The following CHRDL1 variants were observed in gnomAD, a reference collection of about 807,000 sequenced individuals.
CHRDL1 encodes chordin like 1.
CHRDL1 carries 19 observed loss-of-function variants against 40.9 expected under a neutral mutation model. The ratio of observed to expected loss-of-function variants is 0.46; its 90% CI spans 0.32 to 0.68. The LOEUF (loss-of-function observed/expected upper bound fraction) is 0.68, where lower values mean the gene tolerates loss of function less well. Among genes scored for constraint, CHRDL1 ranks in the 30% least tolerant of loss-of-function variants. The pLI, the probability that CHRDL1 is intolerant of heterozygous loss-of-function variation, is 0.03. For missense variants in CHRDL1, 329 were observed against 352.1 expected, an observed-to-expected ratio of 0.93 and a Z score of 0.53; for synonymous variants, 136 against 123.4, an observed-to-expected ratio of 1.10 and a Z score of -0.68.
chrX:110,752,964 T>C (rs1489535597), intron 4 of CHRDL1, among the ~76,000 whole-genome samples: 1 of 111,143 alleles, frequency 9.0e-6, no homozygotes, highest in East Asian at 2.8e-4. Context: ...AGAAATGAAC[T>C]AAAAGAAGAT....
At chrX:110,766,856 C>T (rs756834527) in intron 2 of CHRDL1, among the ~76,000 whole-genome samples, 1 of 111,715 alleles carries the variant, frequency 9.0e-6, no homozygotes, top group African/African-American at 3.2e-5. Context: ...CAGCATCACC[C>T]TAACACCAAA....
intron 2 of CHRDL1, among the ~76,000 whole-genome samples, chrX:110,770,328 G>A (rs946574159): frequency 1.9e-5 from 2 of 106,849 alleles, no homozygotes; most frequent in Non-Finnish European, 3.9e-5. Context: ...TAGTCTGTGG[G>A]TTGAAGAAGA....
chrX:110,721,468 T>A lies in CHRDL1; in HGVS notation c.364A>T (p.Thr122Ser), dbSNP rs1442645080. ...ACGAACAGCTCTCCATGTTGGTAAGTTGTCCCATTGTACTCGCAAGACTTG... is the reference window on the plus strand; with the variant it reads ...ACGAACAGCTCTCCATGTTGGTAAGATGTCCCATTGTACTCGCAAGACTTG... Reference protein sequence around the residue: ...TSKSCEYNGTTYQHGELFVAE... With the variant: ...TSKSCEYNGTSYQHGELFVAE... Residue 122 changes from threonine to serine, a missense_variant, in exon 5 of 12, where the codon ACT becomes TCT. By Grantham distance (58) the Thr-to-Ser change is moderately conservative. Transcript: ENST00000372042. 2.5e-6 allele frequency: 3 copies of A among 1,204,883 alleles called. No homozygotes were observed. In the African/African-American group the frequency reaches 5.3e-5, roughly 21 times the overall value.
At chrX:110,689,895 CTA>C (rs1410078249) in intron 8 of CHRDL1, among the ~76,000 whole-genome samples, 8 of 25,079 alleles carry the variant, frequency 3.2e-4, no homozygotes, top group African/African-American at 1.3e-3. Context: ...ATCTATATAT[CTA>C]TATATATCTA....
chrX:110,694,973 G>GTT (rs2070356935), intron 7 of CHRDL1, among the ~76,000 whole-genome samples: 3 of 111,441 alleles, frequency 2.7e-5, no homozygotes, highest in Non-Finnish European at 5.7e-5. Context: ...CAGGCTAAGG[G>GTT]GTGAAGACTT....
In CHRDL1 at chrX:110,790,546, T is replaced by A. The variant is rs772052224; in HGVS notation, c.94+1542A>T. On this transcript the variant is annotated intron_variant, in intron 2 of 11. Coordinates refer to ENST00000372042, the MANE Select transcript of CHRDL1 (RefSeq NM_001143981.2). ...ATTAACAGGCTATAAGGGAAGTTTC[T>A]CTCTAAGACAGGAAGATTTTTTTGT... Among the ~76,000 whole-genome samples the A allele has an allele frequency of 3.6e-5, 4 of 111,354 alleles. No homozygotes were observed. In the East Asian group the frequency reaches 8.4e-4, roughly 23 times the overall value.
Position 110,776,817 on chromosome X carries a change from T to C in CHRDL1, c.95-14010A>G, listed in dbSNP as rs572619496. Among the ~76,000 whole-genome samples, 19 of 109,888 alleles carry C rather than the reference T, an allele frequency of 1.7e-4. No homozygotes were observed. The South Asian group carries it at 7.0e-3, about 41-fold the overall frequency. Reference sequence around the variant, plus strand: ...TCCCCTGCCAGAGAGGTACAATTGTTTCCACTGATGAATCTACACTGACAC... The same window carrying C: ...TCCCCTGCCAGAGAGGTACAATTGTCTCCACTGATGAATCTACACTGACAC... On this transcript the variant is annotated intron_variant, in intron 2 of 11. Coordinates refer to ENST00000372042, the MANE Select transcript of CHRDL1 (RefSeq NM_001143981.2).
In CHRDL1 at chrX:110,681,551, T is replaced by C. The variant is rs770414179; in HGVS notation, c.1087A>G (p.Thr363Ala). 1 of 1,206,855 alleles carries C rather than the reference T, an allele frequency of 8.3e-7. No individual in the cohort carries two copies. Among genetic ancestry groups the C allele is most frequent in the Non-Finnish European group, 1.1e-6 (1 of 891,056 alleles). Residue 363 changes from threonine to alanine, a missense_variant, in exon 10 of 12, where the codon ACC (threonine) becomes GCC (alanine). Thr to Ala is a moderately conservative substitution (Grantham distance 58). Coordinates refer to ENST00000372042, the MANE Select transcript of CHRDL1 (RefSeq NM_001143981.2). ...ESVFMEDGETTRKIALETERP... is the reference protein window; with the variant it reads ...ESVFMEDGETARKIALETERP... ...TCAGTCTCCAGTGCTATTTTTCTGG[T>C]TGTCTCCCCATCCTCCATGAATACA... is the stretch of plus-strand genomic sequence containing the variant.
At chrX:110,696,271 A>G (rs574493181) in intron 7 of CHRDL1, among the ~76,000 whole-genome samples, 4 of 111,619 alleles carry the variant, frequency 3.6e-5, no homozygotes, top group African/African-American at 9.8e-5. Context: ...TTTAGCACCA[A>G]CGTCTCAGAC....
chrX:110,742,967 G>T (rs1023193835), intron 4 of CHRDL1, among the ~76,000 whole-genome samples: 8 of 112,016 alleles, frequency 7.1e-5, no homozygotes, highest in Non-Finnish European at 5.6e-5. Context: ...CCGCACAGAA[G>T]TATCCAGCGA....
chrX:110,706,636 T>C (rs1188369087), intron 6 of CHRDL1, among the ~76,000 whole-genome samples: 1 of 111,973 alleles, frequency 8.9e-6, no homozygotes, highest in Non-Finnish European at 1.9e-5. Flanking sequence ...GGACTAAGTG[T>C]ACAATGAGAT....
At chrX:110,681,246 G>A (rs1200352607) in intron 10 of CHRDL1, among the ~76,000 whole-genome samples, 1 of 111,892 alleles carries the variant, frequency 8.9e-6, no homozygotes, top group African/African-American at 3.2e-5. Flanking sequence ...CCAGCTTTTG[G>A]TGGTGTGAAA....
chrX:110,774,988 C>T (rs911052520), intron 2 of CHRDL1, among the ~76,000 whole-genome samples: 3 of 111,503 alleles, frequency 2.7e-5, no homozygotes, highest in Admixed American at 9.5e-5. Flanking sequence ...TAATATGGAC[C>T]GAAATTTCAG....
chrX:110,722,055 TG>T (rs959336686), intron 4 of CHRDL1, among the ~76,000 whole-genome samples: 2 of 111,849 alleles, frequency 1.8e-5, no homozygotes, highest in African/African-American at 6.5e-5. Context: ...CTGGAGTGCA[TG>T]GTGCGAGCTC....
rs775371777 is a variant in CHRDL1 at position 110,788,334 on chromosome X, C to T, written c.94+3754G>A. 7.1e-5 allele frequency among the ~76,000 whole-genome samples: 8 copies of T among 111,890 alleles called. No individual in the cohort carries two copies. The South Asian group carries it at 2.6e-3, about 37-fold the overall frequency. ...TGTGATGAGCTTTCCACAAACAAAG[C>T]GTTTTTTCCACACCTCTTCAGATTT... On this transcript the variant is annotated intron_variant, in intron 2 of 11. Transcript: ENST00000372042.
At chrX:110,720,567 C>T (rs1176400523) in intron 5 of CHRDL1, among the ~76,000 whole-genome samples, 1 of 111,740 alleles carries the variant, frequency 8.9e-6, no homozygotes, top group Non-Finnish European at 1.9e-5. Flanking sequence ...TAGAATGATT[C>T]CTGGAAGGCC....
At position 110,749,059 on chromosome X, in the gene CHRDL1, C is replaced by G. The variant is rs375239959; in HGVS notation, c.301+10602G>C. On this transcript the variant is annotated intron_variant, in intron 4 of 11. Coordinates refer to ENST00000372042, the MANE Select transcript of CHRDL1 (RefSeq NM_001143981.2). ...GAATGAGGGAAGGAAAGAAGGGAAA[C>G]AAAGAAAGAAAACAAGGAAGAAAGC... is the stretch of plus-strand genomic sequence containing the variant. Among the ~76,000 whole-genome samples the G allele has an allele frequency of 2.7e-5, 3 of 111,111 alleles. 1 individual carries two copies.
intron 6 of CHRDL1, among the ~76,000 whole-genome samples, chrX:110,706,219 G>C (rs2070635755): frequency 9.0e-6 from 1 of 110,626 alleles, no homozygotes; most frequent in Non-Finnish European, 1.9e-5. Context: ...TGAGATGGAG[G>C]CTTTTTCATT....
Position 110,683,522 on chromosome X carries a change from G to T in CHRDL1, c.989-1873C>A, listed in dbSNP as rs771086651. Among the ~76,000 whole-genome samples the T allele has an allele frequency of 6.2e-5, 7 of 112,018 alleles. No homozygotes were observed. In the East Asian group the frequency reaches 2.0e-3, roughly 31 times the overall value. On this transcript the variant is annotated intron_variant, in intron 9 of 11. Transcript: ENST00000372042. Reference sequence around the variant, plus strand: ...GGGACAACTTTTAAGTCTTAATAGGGACTTTTAATGCCATAACCTAAAAGG... The same window carrying T: ...GGGACAACTTTTAAGTCTTAATAGGTACTTTTAATGCCATAACCTAAAAGG...
Sources: allele counts gnomAD v4.1 joint callset (sites outside exome capture counted in the v4.1 genomes callset), GRCh38; gene constraint gnomAD v4.1.1; transcripts MANE v1.5; gene names NCBI Gene and HGNC (gene_info 2026-07-23, HGNC 2026-07-21).